ANKAR: variants seen among roughly 807,000 people sequenced by gnomAD.
ANKAR encodes the protein ankyrin and armadillo repeat containing.
In ANKAR, 136 loss-of-function variants were observed where a neutral mutation model predicts 146.2. The observed-to-expected ratio is 0.93, with a 90% CI of 0.81 to 1.07. ANKAR has a LOEUF of 1.07. ANKAR is among the 50% of genes least tolerant of loss of function. The probability of loss-of-function intolerance (pLI) is 0.00; values close to 1 mark genes in which losing one functional copy is unlikely to be tolerated. For missense variants in ANKAR, 1,567 were observed against 1,679.9 expected (o/e 0.93, Z 1.18); for synonymous variants, 500 against 575.8 (o/e 0.87, Z 1.88).
intron 20 of ANKAR, among the ~76,000 whole-genome samples, chr2:189,741,993 T>C (rs754087221): frequency 2.6e-5 from 4 of 152,158 alleles, no homozygotes; most frequent in Non-Finnish European, 4.4e-5. Context: ...ATGGAATTCA[T>C]AGGATAGCTT....
chr2:189,701,973 A>G (rs537237265), intron 7 of ANKAR, among the ~76,000 whole-genome samples: 1 of 152,228 alleles, frequency 6.6e-6, no homozygotes, highest in Non-Finnish European at 1.5e-5. Context: ...CTATCATCCT[A>G]TGATTATATC....
At chr2:189,742,969 CACACACACA>C (rs2043586731) in intron 20 of ANKAR, among the ~76,000 whole-genome samples, 3 of 131,958 alleles carry the variant, frequency 2.3e-5, no homozygotes, top group Admixed American at 7.9e-5. Context: ...CACACACACA[CACACACACA>C]CACCCCTGAA....
At chr2:189,703,960 C>G (rs2038459367) in intron 7 of ANKAR, among the ~76,000 whole-genome samples, 1 of 152,104 alleles carries the variant, frequency 6.6e-6, no homozygotes. Context: ...TTACCTCTCT[C>G]CCTCAACACT....
intron 17 of ANKAR, among the ~76,000 whole-genome samples, chr2:189,734,538 G>A (rs746247951): frequency 6.6e-6 from 1 of 152,070 alleles, no homozygotes; most frequent in Non-Finnish European, 1.5e-5. Context: ...TTTTCTACAG[G>A]GCATTTCACA....
At chr2:189,704,053 T>C (rs1313975469) in intron 7 of ANKAR, among the ~76,000 whole-genome samples, 1 of 152,122 alleles carries the variant, frequency 6.6e-6, no homozygotes, top group African/African-American at 2.4e-5. Context: ...ATTGCTATTA[T>C]GCTTTGGGAG....
chr2:189,686,948 A>G (rs187225280), intron 2 of ANKAR, among the ~76,000 whole-genome samples: 41 of 152,302 alleles, frequency 2.7e-4, no homozygotes, highest in Admixed American at 1.6e-3. Flanking sequence ...CACCTCACAA[A>G]TTTATCCTTT....
At chr2:189,758,749 CT>C (rs2046478681) in intron 18 of ANKAR, among the ~76,000 whole-genome samples, 1 of 152,172 alleles carries the variant, frequency 6.6e-6, no homozygotes, top group African/African-American at 2.4e-5. Flanking sequence ...GACATGGCCC[CT>C]GTCACCTTGG....
intron 2 of ANKAR, among the ~76,000 whole-genome samples, 184 bp from the exon 3 acceptor site, chr2:189,689,343 G>A (rs1018111313): frequency 2.6e-5 from 4 of 152,086 alleles, no homozygotes; most frequent in Non-Finnish European, 2.9e-5. Context: ...TGCCCAAAAC[G>A]GGTCTGTTCA....
At position 189,695,389 on chromosome 2, in the gene ANKAR, C is replaced by T. The variant is rs1205490762; in HGVS notation, c.1488+228C>T. ...TGATTAATCTCAATAACGGCTTATA[C>T]GTATTGATTGCTTATTTTGTATGTT... is the stretch of plus-strand genomic sequence containing the variant. On this transcript the variant is annotated intron_variant, in intron 6 of 22. Coordinates refer to ENST00000684021, the MANE Select transcript of ANKAR (RefSeq NM_001378068.1). 4.6e-5 allele frequency among the ~76,000 whole-genome samples: 7 copies of T among 152,164 alleles called. 1 individual carries two copies. The South Asian group carries it at 6.2e-4, about 14-fold the overall frequency.
At chr2:189,756,312 G>GACAAATTTGCTAGCA (rs1188973008) in intron 18 of ANKAR, among the ~76,000 whole-genome samples, 1 of 152,026 alleles carries the variant, frequency 6.6e-6, no homozygotes, top group Non-Finnish European at 1.5e-5. Context: ...AGAACTAAGA[G>GACAAATTTGCTAGCA]ACAAATTTGC....
intron 12 of ANKAR, among the ~76,000 whole-genome samples, chr2:189,725,262 T>A (rs1206475481): frequency 7.1e-6 from 1 of 141,094 alleles, no homozygotes; most frequent in Non-Finnish European, 1.5e-5. Flanking sequence ...TATACATATT[T>A]TATATATATG....
chr2:189,683,728 A>G (rs1300396392), intron 2 of ANKAR, among the ~76,000 whole-genome samples: 1 of 152,200 alleles, frequency 6.6e-6, no homozygotes, highest in Non-Finnish European at 1.5e-5. Flanking sequence ...ACGTTTGGGA[A>G]AACAGCAGCT....
rs575358870 is a variant in ANKAR, at chr2:189,725,011, A to G, written c.2636-2845A>G. Among the ~76,000 whole-genome samples, 6 of 152,326 alleles carry G rather than the reference A, an allele frequency of 3.9e-5. No homozygotes were observed. In the South Asian group the frequency reaches 1.2e-3, roughly 32 times the overall value. On this transcript the variant is annotated intron_variant, in intron 12 of 22. Coordinates refer to ENST00000684021, the MANE Select transcript of ANKAR (RefSeq NM_001378068.1). ...GGTAAACACAAAACAAACTACACAC[A>G]GATTTTGAGTTCTTTTTAGTGAGCT...
intron 9 of ANKAR, 36 bp from the exon 10 acceptor site, chr2:189,711,013 A>C (rs2039615118): frequency 6.4e-7 from 1 of 1,568,364 alleles, no homozygotes; most frequent in African/African-American, 1.4e-5. Context: ...CTTTTGTGCA[A>C]ATTACAGCTG....
chr2:189,712,085 G>A (rs13019686), intron 10 of ANKAR, among the ~76,000 whole-genome samples: 221 of 152,328 alleles, frequency 1.5e-3, no homozygotes, highest in Non-Finnish European at 1.1e-3. Flanking sequence ...TAAACAAAGC[G>A]GCCGGGAAGC....
chr2:189,693,020 A>T, intron 4 of ANKAR, 54 bp from the exon 5 acceptor site: 1 of 915,966 alleles, frequency 1.1e-6, no homozygotes, highest in Non-Finnish European at 1.6e-6. Context: ...GAATTCTTAT[A>T]ATTGTTTAGA....
At chr2:189,699,857 G>A (rs1377945082) in intron 7 of ANKAR, among the ~76,000 whole-genome samples, 1 of 151,996 alleles carries the variant, frequency 6.6e-6, no homozygotes, top group East Asian at 1.9e-4. Context: ...GTAGAGACAG[G>A]GTTTCACCAT....
chr2:189,737,980 C>T, intron 18 of ANKAR, 139 bp downstream of exon 18: 1 of 707,504 alleles, frequency 1.4e-6, no homozygotes, highest in South Asian at 2.4e-5. Flanking sequence ...CCCCTTCTAC[C>T]TCATAAAAAC....
At chr2:189,733,271 T>C (rs747218010) in intron 17 of ANKAR, 42 bp downstream of exon 17, 1 of 1,531,738 alleles carries the variant, frequency 6.5e-7, no homozygotes, top group Non-Finnish European at 8.8e-7. Flanking sequence ...TTGAAAAAAA[T>C]GGTTTTTATA....
Sources: allele counts gnomAD v4.1 joint callset (sites outside exome capture counted in the v4.1 genomes callset), GRCh38; gene constraint gnomAD v4.1.1; transcripts MANE v1.5; gene names NCBI Gene and HGNC (gene_info 2026-07-23, HGNC 2026-07-21).